The following PPP3CA variants were observed in gnomAD, a reference collection of about 807,000 sequenced individuals.
PPP3CA encodes the protein protein phosphatase 3 catalytic subunit alpha.
A neutral mutation model predicts 66.5 loss-of-function variants in PPP3CA; 14 were observed. The observed-to-expected ratio is 0.21, with a 90% CI of 0.14 to 0.33. The LOEUF (loss-of-function observed/expected upper bound fraction) is 0.33. Ranked by LOEUF, PPP3CA falls within the 10% of genes least tolerant of loss-of-function variation. PPP3CA has a pLI of 1.00. For synonymous variants in PPP3CA, 232 were observed against 226.2 expected (o/e 1.03, Z -0.23); for missense variants, 317 against 639.5 (o/e 0.50, Z 5.44).
At chr4:101,236,520 C>T (rs954827169) in intron 1 of PPP3CA, among the ~76,000 whole-genome samples, 3 of 151,888 alleles carry the variant, frequency 2.0e-5, no homozygotes, top group African/African-American at 7.2e-5. Flanking sequence ...TAGTAAAATT[C>T]AACAAAATTA....
chr4:101,049,731 C>CA (rs972936068), intron 10 of PPP3CA, among the ~76,000 whole-genome samples: 2 of 151,956 alleles, frequency 1.3e-5, no homozygotes, highest in African/African-American at 4.8e-5. Context: ...GTTATCTCTG[C>CA]ATGATAACAT....
intron 3 of PPP3CA, among the ~76,000 whole-genome samples, chr4:101,104,357 C>T (rs1188408709): frequency 2.6e-5 from 4 of 152,046 alleles, no homozygotes; most frequent in Non-Finnish European, 4.4e-5. Flanking sequence ...ATATCTAATG[C>T]TTTGATCTTC....
At chr4:101,339,235 C>G (rs1350049868) in intron 1 of PPP3CA, among the ~76,000 whole-genome samples, 1 of 151,948 alleles carries the variant, frequency 6.6e-6, no homozygotes, top group Non-Finnish European at 1.5e-5. Flanking sequence ...CCAATTTGTT[C>G]TTTTTCATGA....
chr4:101,177,244 C>T (rs1724091046), intron 2 of PPP3CA, among the ~76,000 whole-genome samples: 1 of 152,060 alleles, frequency 6.6e-6, no homozygotes, highest in African/African-American at 2.4e-5. Context: ...TAAAGGGTAG[C>T]AGGAGGAAAC....
At chr4:101,151,652 C>T (rs1380445179) in intron 2 of PPP3CA, among the ~76,000 whole-genome samples, 5 of 84,824 alleles carry the variant, frequency 5.9e-5, no homozygotes, top group African/African-American at 1.5e-4. Flanking sequence ...CCAAGGTTTC[C>T]TTTTTTTTTT....
At chr4:101,206,635 A>G (rs1413379869) in intron 1 of PPP3CA, among the ~76,000 whole-genome samples, 1 of 152,228 alleles carries the variant, frequency 6.6e-6, no homozygotes, top group African/African-American at 2.4e-5. Flanking sequence ...AAAAAACAGA[A>G]TAATTAAGTA....
At chr4:101,090,784 TTA>T (rs1729884576) in intron 6 of PPP3CA, among the ~76,000 whole-genome samples, 1 of 151,356 alleles carries the variant, frequency 6.6e-6, no homozygotes, top group Non-Finnish European at 1.5e-5. Flanking sequence ...TTCTATATAT[TTA>T]TTTTACAAAT....
intron 1 of PPP3CA, among the ~76,000 whole-genome samples, chr4:101,301,853 A>G (rs1242321588): frequency 6.7e-6 from 1 of 150,148 alleles, no homozygotes; most frequent in Non-Finnish European, 1.5e-5. Context: ...TAAAAATCAC[A>G]GTTAAAGGAA....
At chr4:101,170,636 C>T (rs891269096) in intron 2 of PPP3CA, among the ~76,000 whole-genome samples, 5 of 151,968 alleles carry the variant, frequency 3.3e-5, no homozygotes, top group South Asian at 4.2e-4. Flanking sequence ...GGGTCAACCT[C>T]ACACCTAGCA....
intron 1 of PPP3CA, among the ~76,000 whole-genome samples, chr4:101,301,721 G>A (rs763572730): frequency 2.4e-4 from 36 of 148,890 alleles, no homozygotes; most frequent in Non-Finnish European, 4.5e-4. Context: ...CTTAGCTCCT[G>A]ACCTCGTGAT....
intron 1 of PPP3CA, among the ~76,000 whole-genome samples, chr4:101,326,793 C>A (rs1250389475): frequency 1.3e-5 from 2 of 152,208 alleles, no homozygotes; most frequent in Non-Finnish European, 2.9e-5. Flanking sequence ...CTCCCACTCA[C>A]TCCCTTCATT....
chr4:101,178,784 C>T (rs1276933100), intron 2 of PPP3CA, among the ~76,000 whole-genome samples: 1 of 152,046 alleles, frequency 6.6e-6, no homozygotes, highest in Non-Finnish European at 1.5e-5. Flanking sequence ...TAACATAAAA[C>T]CCTCAAGTTG....
chr4:101,205,044 A>G (rs1393656862), intron 1 of PPP3CA, among the ~76,000 whole-genome samples: 1 of 151,370 alleles, frequency 6.6e-6, no homozygotes, highest in African/African-American at 2.4e-5. Context: ...ATAGCAAACT[A>G]AAGAAATGCA....
chr4:101,264,722 T>C (rs1727116712), intron 1 of PPP3CA, among the ~76,000 whole-genome samples: 1 of 152,160 alleles, frequency 6.6e-6, no homozygotes, highest in Non-Finnish European at 1.5e-5. Context: ...AAATAATCAC[T>C]AAGCAAATAT....
chr4:101,049,932 T>C (rs528101861), intron 10 of PPP3CA, among the ~76,000 whole-genome samples: 1 of 152,208 alleles, frequency 6.6e-6, no homozygotes, highest in East Asian at 1.9e-4. Flanking sequence ...CTAATGAGCT[T>C]ATCTGAAAGA....
intron 8 of PPP3CA, among the ~76,000 whole-genome samples, chr4:101,078,430 A>G (rs1729284599): frequency 6.6e-6 from 1 of 152,164 alleles, no homozygotes. Context: ...AACATTCACT[A>G]TTCTTTAACA....
chr4:101,136,058 C>A (rs549995987), intron 2 of PPP3CA, among the ~76,000 whole-genome samples: 51 of 152,238 alleles, frequency 3.4e-4, no homozygotes, highest in Admixed American at 2.0e-3. Context: ...TTTCAATATA[C>A]CACTGATTAT....
intron 1 of PPP3CA, among the ~76,000 whole-genome samples, chr4:101,235,675 T>C (rs536205685): frequency 5.9e-5 from 9 of 151,868 alleles, no homozygotes; most frequent in Non-Finnish European, 1.2e-4. Flanking sequence ...TATAGCATAT[T>C]ATGGCCATTG....
Position 101,134,985 on chromosome 4 carries a change from C to T in PPP3CA, c.260-25907G>A, listed in dbSNP as rs544409054. Among the ~76,000 whole-genome samples the T allele has an allele frequency of 6.6e-5, 10 of 152,090 alleles. No homozygotes were observed. The South Asian group carries it at 1.2e-3, about 19-fold the overall frequency. ...AACACAGGAACAGAAAACCAAACACCGCATGTTCTCACTCATAAGTGGGAA... is the reference window on the plus strand; with the variant it reads ...AACACAGGAACAGAAAACCAAACACTGCATGTTCTCACTCATAAGTGGGAA... On this transcript the variant is annotated intron_variant, in intron 2 of 13. Transcript: ENST00000394854.
Sources: gnomAD v4.1 joint callset for allele counts (sites outside exome capture counted in the v4.1 genomes callset) on GRCh38, gnomAD v4.1.1 for gene constraint, MANE v1.5 for transcripts, NCBI Gene and HGNC (gene_info 2026-07-23, HGNC 2026-07-21) for gene names.